Variants in NCAPG observed in about 807,000 individuals in gnomAD.
NCAPG encodes condensin complex subunit 3.
Under a neutral mutation model 113.1 loss-of-function variants are expected in NCAPG, and 69 were observed. That is an observed-to-expected ratio of 0.61 (90% CI 0.50 to 0.75). The LOEUF (loss-of-function observed/expected upper bound fraction) is 0.75. NCAPG is among the 30% of genes least tolerant of loss of function. NCAPG has a pLI of 0.00. For synonymous variants in NCAPG, 370 were observed against 415.8 expected, an observed-to-expected ratio of 0.89 and a Z score of 1.34; for missense variants, 1,058 against 1,177.0, an observed-to-expected ratio of 0.90 and a Z score of 1.48.
chr4:17,826,591 A>T, intron 11 of NCAPG, among the ~76,000 whole-genome samples: 1 of 152,218 alleles, frequency 6.6e-6, no homozygotes, highest in East Asian at 1.9e-4. Context: ...AAATTATAAA[A>T]TTAGCAAAAG....
intron 20 of NCAPG, chr4:17,842,640 G>GT: frequency 2.9e-6 from 1 of 340,464 alleles, no homozygotes; most frequent in Middle Eastern, 9.3e-4. Flanking sequence ...ATTACATGAT[G>GT]TGACTCCTCT....
intron 7 of NCAPG, among the ~76,000 whole-genome samples, chr4:17,818,534 C>A (rs1721310898): frequency 6.6e-6 from 1 of 151,922 alleles, no homozygotes; most frequent in Non-Finnish European, 1.5e-5. Flanking sequence ...CTTTTATGGC[C>A]ACTAAATAGT....
chr4:17,818,449 C>T (rs1350758859), intron 7 of NCAPG, among the ~76,000 whole-genome samples: 2 of 152,188 alleles, frequency 1.3e-5, no homozygotes, highest in Admixed American at 6.5e-5. Flanking sequence ...GTCACAATGA[C>T]TCAACTCTGC....
At chr4:17,830,967 A>G (rs752033175) in intron 12 of NCAPG, 30 bp from the exon 13 acceptor site, 13 of 1,599,084 alleles carry the variant, frequency 8.1e-6, no homozygotes, top group Non-Finnish European at 1.1e-5. Context: ...GATCTATGAA[A>G]TCATATGGAA....
At chr4:17,814,273 G>A (rs1306888523) in intron 3 of NCAPG, among the ~76,000 whole-genome samples, 1 of 152,092 alleles carries the variant, frequency 6.6e-6, no homozygotes, top group Non-Finnish European at 1.5e-5. Context: ...TGGCCTAAGA[G>A]CCAGTCCGTT....
Position 17,831,080 on chromosome 4 carries a change from G to A in NCAPG, c.1848G>A (p.Gln616=). ...TGGGATGCTGTGGACTACAGAATCA[G>A]GATTTTGCAAGGAAACACTTCGTAT... ...LCLGCCGLQN[Q]DFARKHFVLL... The change falls in exon 13 of 21, where the codon CAG becomes CAA. Residue 616 remains glutamine (Q), a synonymous_variant. Transcript: ENST00000251496. 1.2e-6 allele frequency: 2 copies of A among 1,613,778 alleles called. No individual in the cohort carries two copies. The highest frequency in any genetic ancestry group is 1.7e-6 in the Non-Finnish European group (2 of 1,179,854).
At chr4:17,839,529 G>A in intron 16 of NCAPG, 147 bp from the exon 17 acceptor site, 2 of 516,838 alleles carry the variant, frequency 3.9e-6, no homozygotes, top group Admixed American at 8.3e-5. Flanking sequence ...TATTTTGGGG[G>A]TAGGGAGGAT....
intron 20 of NCAPG, chr4:17,842,742 A>G (rs1255565372): frequency 1.5e-5 from 3 of 193,834 alleles, no homozygotes; most frequent in African/African-American, 7.1e-5. Flanking sequence ...TAATTTGGGT[A>G]TATTGTGTGG....
chr4:17,837,189 G>A lies in NCAPG; in HGVS notation c.2140G>A (p.Gly714Arg), dbSNP rs759833885. ...VSELRTGAAEGLAKLMFSGLL... is the reference protein window; with the variant it reads ...VSELRTGAAERLAKLMFSGLL... ...TGAACTTAGGACTGGAGCTGCAGAA[G>A]GACTAGCCAAGCTGATGTTCTCTGG... The change falls in exon 15 of 21, where the codon GGA (glycine) becomes AGA (arginine). Residue 714 changes from glycine to arginine, a missense_variant. By Grantham distance (125) the Gly-to-Arg change is moderately radical. Coordinates refer to ENST00000251496, the MANE Select transcript of NCAPG (RefSeq NM_022346.5). 1 of 1,613,876 alleles carries A rather than the reference G, an allele frequency of 6.2e-7. No homozygotes were observed. The highest frequency in any genetic ancestry group is 1.1e-5 in the South Asian group (1 of 91,050).
rs774924424 is a variant in NCAPG, at chr4:17,811,490, GGAGA to G, written c.111+305_111+308del. 6.6e-6 allele frequency among the ~76,000 whole-genome samples: 1 copy of G among 151,760 alleles called. No homozygotes were observed. The highest frequency in any genetic ancestry group is 1.5e-5 in the Non-Finnish European group (1 of 67,974). Reference sequence around the variant, plus strand: ...TATTCCTTAGTCCGATCGTGAACGTGGAGAGAAACATTTACGACCACCGAGGCGA... The same window carrying G: ...TATTCCTTAGTCCGATCGTGAACGTGGAAACATTTACGACCACCGAGGCGA... On this transcript the variant is annotated intron_variant, in intron 1 of 20. Coordinates refer to ENST00000251496, the MANE Select transcript of NCAPG (RefSeq NM_022346.5). The surrounding 1 kb of genome is among the most constrained non-coding windows in gnomAD (Gnocchi z 5.3).
At chr4:17,817,561 A>C in intron 6 of NCAPG, 108 bp downstream of exon 6, 4 of 850,262 alleles carry the variant, frequency 4.7e-6, no homozygotes, top group South Asian at 2.0e-5. Context: ...TTTAATCTTA[A>C]CTCTCTTTTG....
intron 7 of NCAPG, among the ~76,000 whole-genome samples, chr4:17,821,107 G>A (rs1410633583): frequency 6.6e-6 from 1 of 151,820 alleles, no homozygotes; most frequent in Non-Finnish European, 1.5e-5. Flanking sequence ...TTAAACAACT[G>A]TTTGAATTTA....
chr4:17,829,258 GTC>G (rs1232943068), intron 12 of NCAPG, among the ~76,000 whole-genome samples: 1 of 152,172 alleles, frequency 6.6e-6, no homozygotes, highest in East Asian at 1.9e-4. Context: ...TCTTACAGAA[GTC>G]TCTCAAAACT....
chr4:17,842,326 A>G lies in NCAPG; in HGVS notation c.2871A>G (p.Thr957=). ...ATCTTCAAGGACAGAGAAAAGTGAC[A>G]GTTTCAGCTAGGACGAACAGGAGGT... is the stretch of plus-strand genomic sequence containing the variant. ...LKTNRGQRKV[T]VSARTNRRCQ... The change falls in exon 20 of 21, where the codon ACA becomes ACG. Residue 957 remains threonine (T), a synonymous_variant. Coordinates refer to ENST00000251496, the MANE Select transcript of NCAPG (RefSeq NM_022346.5). 6.2e-7 allele frequency: 1 copy of G among 1,612,114 alleles called. No individual in the cohort carries two copies. Among genetic ancestry groups the G allele is most frequent in the East Asian group, 2.2e-5 (1 of 44,804 alleles).
rs746042988 is a variant in NCAPG at position 17,840,210 on chromosome 4, G to T, written c.2767+1G>T. ...ACAACTACTTTCCAAAATGAAGATG[G>T]TAATCACATACTGAACAGAATATTT... On this transcript the variant is annotated splice_donor_variant, in intron 18 of 20. Transcript: ENST00000251496. LOFTEE classifies it high-confidence loss of function. 1 of 1,593,636 alleles carries T rather than the reference G, an allele frequency of 6.3e-7. No individual in the cohort carries two copies. The highest frequency in any genetic ancestry group is 1.2e-5 in the South Asian group (1 of 86,902).
chr4:17,840,765 G>C (rs535565408), intron 19 of NCAPG, 72 bp downstream of exon 19: 3 of 999,980 alleles, frequency 3.0e-6, no homozygotes, highest in African/African-American at 3.4e-5. Flanking sequence ...TACTTGTTTT[G>C]CAAGTTTTCT....
At chr4:17,840,276 AT>A in intron 18 of NCAPG, 67 bp downstream of exon 18, 1 of 1,430,166 alleles carries the variant, frequency 7.0e-7, no homozygotes, top group Non-Finnish European at 9.2e-7. Context: ...ACTGAGACAT[AT>A]TTTTTTCTAC....
At chr4:17,822,557 G>A (rs746797453) in intron 7 of NCAPG, among the ~76,000 whole-genome samples, 2 of 152,082 alleles carry the variant, frequency 1.3e-5, no homozygotes, top group Non-Finnish European at 2.9e-5. Flanking sequence ...GATGCTTCTT[G>A]ACTTAAAGTG....
intron 3 of NCAPG, 135 bp from the exon 4 acceptor site, chr4:17,814,718 A>T: frequency 1.0e-6 from 1 of 993,110 alleles, no homozygotes; most frequent in Non-Finnish European, 1.5e-6. Context: ...AGTGCTGGTT[A>T]TAGGCAGTAG....
Sources: allele counts gnomAD v4.1 joint callset (sites outside exome capture counted in the v4.1 genomes callset), GRCh38; gene constraint gnomAD v4.1.1; non-coding constraint Gnocchi (gnomAD v3.1); transcripts MANE v1.5; gene names NCBI Gene and HGNC (gene_info 2026-07-23, HGNC 2026-07-21).